The following ADAM22 variants were observed in gnomAD, a reference collection of about 807,000 sequenced individuals.
ADAM22 encodes the protein disintegrin and metalloproteinase domain-containing protein 22.
ADAM22 carries 65 observed loss-of-function variants against 144.6 expected under a neutral mutation model. The ratio of observed to expected loss-of-function variants is 0.45; its 90% CI spans 0.37 to 0.55. The LOEUF is 0.55. ADAM22 is among the 20% of genes least tolerant of loss of function. ADAM22 has a pLI of 0.00. For missense variants in ADAM22, 974 were observed against 1,184.9 expected, an observed-to-expected ratio of 0.82 and a Z score of 2.61; for synonymous variants, 391 against 412.6, an observed-to-expected ratio of 0.95 and a Z score of 0.63.
At chr7:88,113,589 C>A (rs1826632641) in intron 5 of ADAM22, among the ~76,000 whole-genome samples, 1 of 146,788 alleles carries the variant, frequency 6.8e-6, no homozygotes, top group African/African-American at 2.5e-5. Context: ...CCTCTGGCAC[C>A]ATTTATTGCC....
chr7:88,085,313 A>T (rs1445633442), intron 4 of ADAM22, among the ~76,000 whole-genome samples: 1 of 152,206 alleles, frequency 6.6e-6, no homozygotes, highest in Non-Finnish European at 1.5e-5. Flanking sequence ...ATGCAAATTT[A>T]AAATTAAAGT....
At chr7:88,055,652 G>T (rs1808043680) in intron 3 of ADAM22, among the ~76,000 whole-genome samples, 1 of 152,142 alleles carries the variant, frequency 6.6e-6, no homozygotes. Flanking sequence ...TGTGGACCAT[G>T]GTGTGAAGAT....
At chr7:88,038,556 G>C (rs934395267) in intron 3 of ADAM22, among the ~76,000 whole-genome samples, 4 of 150,596 alleles carry the variant, frequency 2.7e-5, no homozygotes, top group African/African-American at 9.8e-5. Flanking sequence ...CCGGGTTCAC[G>C]CCATTCTCCT....
At chr7:88,122,488 C>G (rs1486435680) in intron 7 of ADAM22, among the ~76,000 whole-genome samples, 3 of 152,108 alleles carry the variant, frequency 2.0e-5, no homozygotes, top group African/African-American at 7.2e-5. Context: ...TCTTTGGCCC[C>G]CAGTAATTCC....
intron 2 of ADAM22, among the ~76,000 whole-genome samples, chr7:87,935,413 G>C (rs1419867352): frequency 6.6e-6 from 1 of 152,202 alleles, no homozygotes; most frequent in Non-Finnish European, 1.5e-5. Flanking sequence ...GAGTTTGTGC[G>C]GGGTGCCTTC....
Position 88,145,190 on chromosome 7 carries a change from C to T in ADAM22, c.1386C>T (p.Thr462=). The T allele has an allele frequency of 1.9e-6, 3 of 1,613,540 alleles. No individual in the cohort carries two copies. Among genetic ancestry groups the T allele is most frequent in the Non-Finnish European group, 2.5e-6 (3 of 1,179,800 alleles). Residue 462 remains threonine (T), a synonymous_variant, in exon 16 of 32, where the codon ACC becomes ACT. Transcript: ENST00000413139. ...IETGEECDCG[T]PAECVLEGAE... Reference sequence around the variant, plus strand: ...CTGGAGAGGAGTGTGATTGTGGAACCCCGGCCGTAAGTCTCTGGTTGTTTT... The same window carrying T: ...CTGGAGAGGAGTGTGATTGTGGAACTCCGGCCGTAAGTCTCTGGTTGTTTT...
intron 3 of ADAM22, among the ~76,000 whole-genome samples, chr7:88,022,530 G>A (rs539155571): frequency 2.0e-5 from 3 of 152,236 alleles, no homozygotes; most frequent in African/African-American, 4.8e-5. Context: ...TTAAGTAATA[G>A]GAAAGAGGAT....
chr7:87,963,018 A>T (rs1195965122), intron 2 of ADAM22, among the ~76,000 whole-genome samples: 1 of 152,216 alleles, frequency 6.6e-6, no homozygotes, highest in Non-Finnish European at 1.5e-5. Flanking sequence ...GCAATTGAGC[A>T]TAGCATTATA....
chr7:88,157,660 T>C (rs568901939), intron 22 of ADAM22, among the ~76,000 whole-genome samples: 1 of 152,034 alleles, frequency 6.6e-6, no homozygotes, highest in African/African-American at 2.4e-5. Context: ...AAGTCAAGAT[T>C]TACAGCGCTA....
chr7:88,177,190 G>A (rs1845894050), intron 26 of ADAM22, among the ~76,000 whole-genome samples: 1 of 151,822 alleles, frequency 6.6e-6, no homozygotes, highest in Non-Finnish European at 1.5e-5. Flanking sequence ...GTGTTCATGG[G>A]ATTCTTTTAC....
chr7:88,067,308 C>T (rs1422253775), intron 3 of ADAM22, among the ~76,000 whole-genome samples: 2 of 150,190 alleles, frequency 1.3e-5, no homozygotes, highest in Admixed American at 6.7e-5. Context: ...AGGTTAGTTA[C>T]ATATGTATAC....
intron 24 of ADAM22, among the ~76,000 whole-genome samples, chr7:88,166,705 T>C (rs1010415045): frequency 2.0e-5 from 3 of 152,160 alleles, no homozygotes; most frequent in African/African-American, 4.8e-5. Context: ...ATATGACTTT[T>C]ATAAAGAAAA....
rs185163035 is a variant in ADAM22, at chr7:88,037,845, C to A, written c.324-37781C>A. On this transcript the variant is annotated intron_variant, in intron 3 of 31. Transcript: ENST00000413139. ...ACTTTCATTTTCTGTGATAATATAG[C>A]CATATGTACTATCTCTTTAAGACTT... Among the ~76,000 whole-genome samples, 4 of 152,226 alleles carry A rather than the reference C, an allele frequency of 2.6e-5. No individual in the cohort carries two copies. In the East Asian group the frequency reaches 7.7e-4, roughly 29 times the overall value.
intron 20 of ADAM22, among the ~76,000 whole-genome samples, chr7:88,152,585 T>C (rs757963051): frequency 6.6e-6 from 1 of 152,224 alleles, no homozygotes; most frequent in Non-Finnish European, 1.5e-5. Flanking sequence ...GAGAAATTCA[T>C]GTATTATATT....
intron 3 of ADAM22, among the ~76,000 whole-genome samples, chr7:88,036,771 G>A (rs975881092): frequency 6.6e-6 from 1 of 151,970 alleles, no homozygotes; most frequent in African/African-American, 2.4e-5. Flanking sequence ...GTGTTATTTT[G>A]TACAGTGACT....
chr7:88,008,273 G>A (rs550172399), intron 3 of ADAM22, among the ~76,000 whole-genome samples: 111 of 151,514 alleles, frequency 7.3e-4, no homozygotes, highest in African/African-American at 2.5e-3. Context: ...AGGATGTGGA[G>A]AAATAAGAAC....
chr7:87,951,161 A>G (rs1239393815), intron 2 of ADAM22, among the ~76,000 whole-genome samples: 1 of 150,246 alleles, frequency 6.7e-6, no homozygotes, highest in Admixed American at 6.6e-5. Flanking sequence ...CCATTTGTCA[A>G]TTTTGTCTTT....
chr7:88,161,116 A>G (rs1841493781), intron 22 of ADAM22, among the ~76,000 whole-genome samples: 1 of 151,914 alleles, frequency 6.6e-6, no homozygotes, highest in African/African-American at 2.4e-5. Context: ...TATAAGAATA[A>G]TAATAATAAA....
intron 3 of ADAM22, among the ~76,000 whole-genome samples, chr7:87,995,494 A>C (rs560406267): frequency 6.6e-6 from 1 of 152,178 alleles, no homozygotes; most frequent in Admixed American, 6.5e-5. Flanking sequence ...AACTACTAAT[A>C]CCTGGGTCCC....
Sources: allele counts gnomAD v4.1 joint callset (sites outside exome capture counted in the v4.1 genomes callset), GRCh38; gene constraint gnomAD v4.1.1; transcripts MANE v1.5; gene names NCBI Gene and HGNC (gene_info 2026-07-23, HGNC 2026-07-21).